Variants in LRRC37A2 observed in about 807,000 individuals in gnomAD.
LRRC37A2 encodes the protein leucine rich repeat containing 37 member A2.
In LRRC37A2, 9 loss-of-function variants were observed where a neutral mutation model predicts 68.8. The ratio of observed to expected loss-of-function variants is 0.13; its 90% CI spans 0.08 to 0.23. The LOEUF is 0.23. Among genes scored for constraint, LRRC37A2 ranks in the 10% least tolerant of loss-of-function variants. The pLI, the probability that LRRC37A2 is intolerant of heterozygous loss-of-function variation, is 1.00. For synonymous variants in LRRC37A2, 63 were observed against 367.6 expected (o/e 0.17, Z 9.48); for missense variants, 168 against 950.4 (o/e 0.18, Z 10.82).
chr17:46,775,904 C>T, the LRRC37A2 span, among the ~76,000 whole-genome samples: 23 of 152,264 alleles, frequency 1.5e-4, no homozygotes, highest in African/African-American at 4.6e-4. Context: ...CGAGCCACCA[C>T]GCCCGGCCCA....
the LRRC37A2 span, chr17:46,885,047 G>A: frequency 5.4e-5 from 24 of 441,642 alleles, no homozygotes; most frequent in South Asian, 3.6e-4. Flanking sequence ...GGAGTGCAGT[G>A]GCAAGATCTC....
At chr17:46,823,266 G>T in the LRRC37A2 span, among the ~76,000 whole-genome samples, 2 of 145,146 alleles carry the variant, frequency 1.4e-5, no homozygotes, top group Non-Finnish European at 3.0e-5. Flanking sequence ...CCAGGCTGTA[G>T]TGCAATGGCG....
chr17:46,813,463 C>T, the LRRC37A2 span, among the ~76,000 whole-genome samples: 4 of 141,512 alleles, frequency 2.8e-5, no homozygotes, highest in South Asian at 2.6e-4. Context: ...ATGGCTCTAA[C>T]CTTTGGCGGG....
chr17:46,883,861 C>G, the LRRC37A2 span, among the ~76,000 whole-genome samples: 6 of 152,214 alleles, frequency 3.9e-5, no homozygotes, highest in African/African-American at 1.4e-4. Flanking sequence ...ATGCCTCTCA[C>G]GCGTCTTATC....
At chr17:46,844,672 C>T in the LRRC37A2 span, among the ~76,000 whole-genome samples, 1 of 152,144 alleles carries the variant, frequency 6.6e-6, no homozygotes, top group African/African-American at 2.4e-5. Context: ...CAAGAACTTA[C>T]TCAGATGAAA....
chr17:46,935,911 C>T, the LRRC37A2 span: 11 of 985,802 alleles, frequency 1.1e-5, no homozygotes, highest in Non-Finnish European at 1.3e-5. Context: ...GGTGTGGTCC[C>T]CTGTGAATGA....
the LRRC37A2 span, chr17:47,033,279 G>A: frequency 4.1e-5 from 28 of 680,054 alleles, no homozygotes; most frequent in Admixed American, 8.4e-5. Flanking sequence ...AAGGCTCACC[G>A]TTTCAGATTC....
the LRRC37A2 span, among the ~76,000 whole-genome samples, chr17:47,036,853 G>A: frequency 6.9e-6 from 1 of 145,510 alleles, no homozygotes; most frequent in African/African-American, 2.5e-5. Context: ...GAACTAGCTT[G>A]TCACTTTCTG....
the LRRC37A2 span, chr17:46,978,272 C>T: frequency 3.6e-6 from 1 of 275,216 alleles, no homozygotes; most frequent in Non-Finnish European, 6.7e-6. Flanking sequence ...CCACTCGCAC[C>T]GTGTTCCGAA....
chr17:46,742,538 C>T, the LRRC37A2 span, among the ~76,000 whole-genome samples: 108 of 152,198 alleles, frequency 7.1e-4, no homozygotes, highest in African/African-American at 2.5e-3. Context: ...ATGTAAAAGG[C>T]GATCCAAACT....
chr17:46,947,926 G>A, the LRRC37A2 span, among the ~76,000 whole-genome samples: 10 of 152,252 alleles, frequency 6.6e-5, no homozygotes, highest in East Asian at 7.7e-4. Context: ...GTGCCACCAC[G>A]CCTGGCTAAT....
the LRRC37A2 span, chr17:47,028,350 T>C: frequency 6.7e-7 from 1 of 1,494,326 alleles, no homozygotes; most frequent in East Asian, 2.3e-5. Context: ...AATGCAGTTT[T>C]TACATAAGTT....
At chr17:46,573,025 A>G in the LRRC37A2 span, among the ~76,000 whole-genome samples, 4 of 117,782 alleles carry the variant, frequency 3.4e-5, no homozygotes, top group Admixed American at 3.6e-4. Context: ...AAGGGAGGAA[A>G]GGAAAAGAAG....
At chr17:46,913,120 G>A in the LRRC37A2 span, among the ~76,000 whole-genome samples, 2 of 152,210 alleles carry the variant, frequency 1.3e-5, no homozygotes, top group Admixed American at 6.5e-5. Context: ...TCCAGGTGAC[G>A]GCTCTTCCAG....
At chr17:46,923,242 G>A in the LRRC37A2 span, 7 of 1,550,948 alleles carry the variant, frequency 4.5e-6, no homozygotes, top group Non-Finnish European at 6.1e-6. Context: ...GTCGGGGAGC[G>A]GGCAGGGGCT....
At chr17:46,834,990 CCTT>C in the LRRC37A2 span, among the ~76,000 whole-genome samples, 1 of 151,400 alleles carries the variant, frequency 6.6e-6, no homozygotes. Context: ...TTCTCCTTCT[CCTT>C]CTCCTTCTTC....
chr17:46,786,273 A>G, the LRRC37A2 span, among the ~76,000 whole-genome samples: 1 of 152,274 alleles, frequency 6.6e-6, no homozygotes, highest in South Asian at 2.1e-4. Flanking sequence ...GGAGGAGGAC[A>G]GGAGAAGCGG....
chr17:46,450,030 C>T, the LRRC37A2 span, among the ~76,000 whole-genome samples: 1 of 92,752 alleles, frequency 1.1e-5, no homozygotes, highest in Middle Eastern at 5.7e-3. Context: ...CGATTATACA[C>T]AAGACTTTGT....
At chr17:47,000,081 T>TA in the LRRC37A2 span, among the ~76,000 whole-genome samples, 65 of 15,304 alleles carry the variant, frequency 4.2e-3, 6 homozygotes, top group African/African-American at 9.9e-3. Context: ...AAATAAAAAA[T>TA]AAAATAAAAT....
Sources: allele counts gnomAD v4.1 joint callset (sites outside exome capture counted in the v4.1 genomes callset), GRCh38; gene constraint gnomAD v4.1.1; transcripts MANE v1.5; gene names NCBI Gene and HGNC (gene_info 2026-07-23, HGNC 2026-07-21).